Variants in TSNARE1 observed in about 807,000 individuals in gnomAD.
The protein encoded by TSNARE1 is t-SNARE domain-containing protein 1.
Under a neutral mutation model 62.0 loss-of-function variants are expected in TSNARE1, and 49 were observed. The ratio of observed to expected loss-of-function variants is 0.79; its 90% CI spans 0.63 to 1.00. The LOEUF (loss-of-function observed/expected upper bound fraction) is 1.00, where lower values mean the gene tolerates loss of function less well. Among genes scored for constraint, TSNARE1 ranks in the 50% least tolerant of loss-of-function variants. The pLI is 0.00. For missense variants in TSNARE1, 755 were observed against 700.1 expected (o/e 1.08, Z -0.88); for synonymous variants, 328 against 294.4 (o/e 1.11, Z -1.17).
chr8:142,383,679 C>T (rs554743997), intron 1 of TSNARE1, among the ~76,000 whole-genome samples: 10 of 152,300 alleles, frequency 6.6e-5, no homozygotes, highest in African/African-American at 1.9e-4. Context: ...GTGCAGCCAC[C>T]AAAAGAGGCA....
At chr8:142,221,787 A>T (rs13264387) in intron 13 of TSNARE1, among the ~76,000 whole-genome samples, 19,324 of 23,084 alleles carry the variant, frequency 0.84, 8,832 homozygotes, top group Non-Finnish European at 0.89. Context: ...TCACTCACTC[A>T]TCCACTCATT....
At chr8:142,244,543 C>T (rs1425897321) in intron 12 of TSNARE1, among the ~76,000 whole-genome samples, 1 of 152,228 alleles carries the variant, frequency 6.6e-6, no homozygotes, top group African/African-American at 2.4e-5. Flanking sequence ...AGACTGACCA[C>T]ATTGATCCAC....
chr8:142,270,491 T>C (rs1023446992), intron 12 of TSNARE1: 2 of 896,142 alleles, frequency 2.2e-6, no homozygotes, highest in Non-Finnish European at 2.6e-6. Context: ...CATATATATA[T>C]ATATATATAT....
At chr8:142,276,172 C>T in intron 11 of TSNARE1, 1 of 985,466 alleles carries the variant, frequency 1.0e-6, no homozygotes, top group African/African-American at 1.7e-5. Flanking sequence ...AGCCAGGCTC[C>T]TGCACAAGGA....
chr8:142,282,238 A>G (rs1334415974), intron 11 of TSNARE1, among the ~76,000 whole-genome samples: 1 of 149,016 alleles, frequency 6.7e-6, no homozygotes, highest in Non-Finnish European at 1.5e-5. Flanking sequence ...GGGTACATCC[A>G]TAGCAGAACC....
chr8:142,328,902 C>G (rs560163730), intron 6 of TSNARE1, among the ~76,000 whole-genome samples: 2 of 152,000 alleles, frequency 1.3e-5, no homozygotes, highest in South Asian at 2.1e-4. Context: ...ATGGGCCCCA[C>G]CTGGTGAGGT....
chr8:142,225,647 C>T (rs1047436526), intron 13 of TSNARE1, among the ~76,000 whole-genome samples: 1 of 152,204 alleles, frequency 6.6e-6, no homozygotes, highest in Non-Finnish European at 1.5e-5. Context: ...ACAGGCAAAC[C>T]ATGTGCTGCC....
chr8:142,362,114 G>C (rs978664379), intron 1 of TSNARE1, among the ~76,000 whole-genome samples: 1 of 152,216 alleles, frequency 6.6e-6, no homozygotes, highest in South Asian at 2.1e-4. Context: ...TGCCGGGTGC[G>C]CAGCTTTCAC....
chr8:142,303,002 C>T (rs1010745948), intron 9 of TSNARE1, among the ~76,000 whole-genome samples: 3 of 152,136 alleles, frequency 2.0e-5, no homozygotes, highest in Admixed American at 6.5e-5. Context: ...ATCCCACTCA[C>T]GTCCAGAGCT....
chr8:142,215,426 C>T (rs1402061157), intron 13 of TSNARE1, among the ~76,000 whole-genome samples: 1 of 152,108 alleles, frequency 6.6e-6, no homozygotes. Context: ...GCCTGATGCC[C>T]CCATCTTCTG....
chr8:142,297,987 C>A (rs1010633317), intron 10 of TSNARE1, among the ~76,000 whole-genome samples: 6 of 152,138 alleles, frequency 3.9e-5, no homozygotes, highest in African/African-American at 1.4e-4. Context: ...GAAAGTGAGG[C>A]TAGAAGGGCC....
At chr8:142,292,014 T>C (rs73714111) in intron 10 of TSNARE1, among the ~76,000 whole-genome samples, 32 of 151,130 alleles carry the variant, frequency 2.1e-4, no homozygotes, top group African/African-American at 7.1e-4. Context: ...AGGGACACTG[T>C]AGGGTTTCTG....
At chr8:142,316,711 T>C (rs75290971) in intron 7 of TSNARE1, among the ~76,000 whole-genome samples, 2,318 of 151,820 alleles carry the variant, frequency 0.015, 87 homozygotes, top group African/African-American at 0.053. Context: ...TCTCCACAGA[T>C]TGCATTTTCT....
At chr8:142,336,624 G>A (rs1291222593) in intron 4 of TSNARE1, among the ~76,000 whole-genome samples, 1 of 152,182 alleles carries the variant, frequency 6.6e-6, no homozygotes, top group Non-Finnish European at 1.5e-5. Flanking sequence ...GTTACAGGCA[G>A]CGCGGTCAGC....
intron 1 of TSNARE1, among the ~76,000 whole-genome samples, chr8:142,384,241 C>T (rs959019158): frequency 6.6e-6 from 1 of 152,156 alleles, no homozygotes; most frequent in East Asian, 1.9e-4. Flanking sequence ...AAGGAAAGGG[C>T]CTCTGGAAAG....
chr8:142,381,469 C>T (rs1208488092), intron 1 of TSNARE1, among the ~76,000 whole-genome samples: 2 of 75,506 alleles, frequency 2.6e-5, no homozygotes, highest in South Asian at 5.3e-4. Flanking sequence ...CCTATCAGCG[C>T]CCCCCCCCAC....
At chr8:142,375,683 A>C (rs1836276483) in intron 1 of TSNARE1, among the ~76,000 whole-genome samples, 1 of 152,246 alleles carries the variant, frequency 6.6e-6, no homozygotes. Flanking sequence ...TGGTTCAATG[A>C]AAATGAAATC....
Position 142,357,774 on chromosome 8 carries a change from G to A in TSNARE1, c.-39-3011C>T, listed in dbSNP as rs151229069. Among the ~76,000 whole-genome samples, 232 of 152,344 alleles carry A rather than the reference G, an allele frequency of 1.5e-3. 1 individual carries two copies. In the Middle Eastern group the frequency reaches 0.017, roughly 11 times the overall value. On this transcript the variant is annotated intron_variant, in intron 1 of 13. Transcript: ENST00000524325. ...GCAGAACGCGAGTCCACTGTGTAGG[G>A]ACAGTTGTTAAGGAAGAGAACTCCC...
chr8:142,272,904 G>T lies in TSNARE1; in HGVS notation c.1446+1877C>A, dbSNP rs541943020. 7 of 984,480 alleles carry T rather than the reference G, an allele frequency of 7.1e-6. No homozygotes were observed. In the East Asian group the frequency reaches 8.0e-4, roughly 113 times the overall value. The allele number at this position is 984,480 out of a possible 1,614,324, so 61.0% of individuals were successfully genotyped here. On this transcript the variant is annotated intron_variant, in intron 12 of 13. Coordinates refer to ENST00000524325, the MANE Select transcript of TSNARE1 (RefSeq NM_145003.5). ...GACACCGTGGGGAAGGCCCCTCGCA[G>T]GCAGGTGGGAGCAGGACATTCTATG... is the stretch of plus-strand genomic sequence containing the variant.
Sources: allele counts gnomAD v4.1 joint callset (sites outside exome capture counted in the v4.1 genomes callset), GRCh38; gene constraint gnomAD v4.1.1; transcripts MANE v1.5; gene names NCBI Gene and HGNC (gene_info 2026-07-23, HGNC 2026-07-21).